Variants in PARD3B observed in about 807,000 individuals in gnomAD.
PARD3B encodes partitioning defective 3 homolog B.
Under a neutral mutation model 130.2 loss-of-function variants are expected in PARD3B, and 103 were observed. The ratio of observed to expected loss-of-function variants is 0.79; its 90% CI spans 0.67 to 0.93. The LOEUF is 0.93. PARD3B is among the 40% of genes least tolerant of loss of function. The probability of loss-of-function intolerance (pLI) is 0.00; values close to 1 mark genes in which losing one functional copy is unlikely to be tolerated. For missense variants in PARD3B, 1,609 were observed against 1,499.2 expected (o/e 1.07, Z -1.21); for synonymous variants, 583 against 553.2 (o/e 1.05, Z -0.76).
At chr2:204,721,227 T>C (rs938990990) in intron 2 of PARD3B, among the ~76,000 whole-genome samples, 1 of 152,178 alleles carries the variant, frequency 6.6e-6, no homozygotes, top group African/African-American at 2.4e-5. Context: ...AATTAGAGTT[T>C]AAGACACTCA....
At chr2:204,735,941 G>A (rs916590872) in intron 2 of PARD3B, among the ~76,000 whole-genome samples, 6 of 152,098 alleles carry the variant, frequency 3.9e-5, no homozygotes, top group East Asian at 3.9e-4. Flanking sequence ...ACTTTTCTAC[G>A]TGCTTAAAAT....
At chr2:205,026,685 C>T (rs1481382756) in intron 3 of PARD3B, among the ~76,000 whole-genome samples, 1 of 152,156 alleles carries the variant, frequency 6.6e-6, no homozygotes, top group Non-Finnish European at 1.5e-5. Context: ...TCAACACTTC[C>T]TCCAACCCTT....
At chr2:204,916,518 A>G (rs1369963059) in intron 2 of PARD3B, among the ~76,000 whole-genome samples, 3 of 152,236 alleles carry the variant, frequency 2.0e-5, no homozygotes, top group African/African-American at 7.2e-5. Context: ...TTTAAATTCT[A>G]TAGAGATTTA....
At chr2:205,424,103 T>G (rs1043706490) in intron 19 of PARD3B, among the ~76,000 whole-genome samples, 4 of 152,214 alleles carry the variant, frequency 2.6e-5, no homozygotes, top group African/African-American at 9.6e-5. Flanking sequence ...AAGAAAATAC[T>G]GTAGTTGAAT....
At chr2:205,573,015 GGCA>G (rs1218113799) in intron 22 of PARD3B, among the ~76,000 whole-genome samples, 1 of 152,128 alleles carries the variant, frequency 6.6e-6, no homozygotes. Context: ...TTCTTCACAT[GGCA>G]GCAGCAAGAA....
intron 15 of PARD3B, among the ~76,000 whole-genome samples, chr2:205,209,151 A>G (rs2037485360): frequency 7.1e-6 from 1 of 140,504 alleles, no homozygotes; most frequent in Non-Finnish European, 1.5e-5. Flanking sequence ...TGGTGCTGGG[A>G]AAACTGGCTA....
chr2:205,302,797 T>TC (rs2042058460), intron 18 of PARD3B, among the ~76,000 whole-genome samples: 1 of 152,108 alleles, frequency 6.6e-6, no homozygotes, highest in African/African-American at 2.4e-5. Context: ...GATCCATGAC[T>TC]CCCCACACAT....
intron 18 of PARD3B, among the ~76,000 whole-genome samples, chr2:205,391,485 A>G (rs2045858284): frequency 6.6e-6 from 1 of 152,254 alleles, no homozygotes; most frequent in East Asian, 1.9e-4. Flanking sequence ...TAACAAAAAG[A>G]AAAGCTTTTT....
chr2:205,045,112 G>GTTTTTTTTTTTTTTT (rs201589277), intron 3 of PARD3B, among the ~76,000 whole-genome samples: 1 of 138,584 alleles, frequency 7.2e-6, no homozygotes, highest in Non-Finnish European at 1.6e-5. Flanking sequence ...CCATCTTAAA[G>GTTTTTTTTTTTTTTT]TTTTTTTTTT....
chr2:205,583,406 C>CGT (rs1559241083), intron 22 of PARD3B, among the ~76,000 whole-genome samples: 3 of 25,472 alleles, frequency 1.2e-4, no homozygotes, highest in Non-Finnish European at 3.7e-4. Context: ...TGTGTGCGCG[C>CGT]GCACGCGCGT....
At chr2:204,750,461 C>T (rs1309708899) in intron 2 of PARD3B, among the ~76,000 whole-genome samples, 4 of 152,158 alleles carry the variant, frequency 2.6e-5, no homozygotes, top group Admixed American at 2.6e-4. Context: ...CAACTCATGC[C>T]TGTAGTCCCA....
At chr2:205,211,642 C>G (rs2037640460) in intron 15 of PARD3B, among the ~76,000 whole-genome samples, 1 of 152,054 alleles carries the variant, frequency 6.6e-6, no homozygotes, top group Non-Finnish European at 1.5e-5. Context: ...TTTCAATACC[C>G]ACTTGGTTTC....
At chr2:204,680,565 A>T (rs2036779621) in intron 1 of PARD3B, among the ~76,000 whole-genome samples, 1 of 149,956 alleles carries the variant, frequency 6.7e-6, no homozygotes, top group South Asian at 2.1e-4. Context: ...TATTTTCTTC[A>T]CTGTGTCTTT....
intron 15 of PARD3B, among the ~76,000 whole-genome samples, chr2:205,213,145 C>G (rs914680336): frequency 5.3e-5 from 8 of 152,098 alleles, no homozygotes; most frequent in Non-Finnish European, 1.0e-4. Context: ...GACCTATTCT[C>G]TCTCCACTCT....
chr2:204,755,430 A>T (rs985119392), intron 2 of PARD3B, among the ~76,000 whole-genome samples: 1 of 152,174 alleles, frequency 6.6e-6, no homozygotes, highest in African/African-American at 2.4e-5. Context: ...CACAAGTCAC[A>T]TTATTACTGA....
intron 10 of PARD3B, among the ~76,000 whole-genome samples, chr2:205,153,197 T>C (rs2033878788): frequency 6.6e-6 from 1 of 152,230 alleles, no homozygotes; most frequent in Non-Finnish European, 1.5e-5. Flanking sequence ...AGTCAGCCCC[T>C]ACTGGGAGGT....
chr2:204,926,601 C>T (rs995025191), intron 2 of PARD3B, among the ~76,000 whole-genome samples: 5 of 152,016 alleles, frequency 3.3e-5, no homozygotes, highest in Admixed American at 6.6e-5. Context: ...CATGTGAGTT[C>T]GATCCGTGAC....
chr2:205,163,679 C>T (rs935795034), intron 11 of PARD3B, among the ~76,000 whole-genome samples: 1 of 152,154 alleles, frequency 6.6e-6, no homozygotes, highest in Non-Finnish European at 1.5e-5. Flanking sequence ...GTCTCATTGT[C>T]ATGTGAGACA....
rs1433228366 is a variant in PARD3B at position 204,887,719 on chromosome 2, C to T, written c.223-77433C>T. Among the ~76,000 whole-genome samples, 1 of 152,024 alleles carries T rather than the reference C, an allele frequency of 6.6e-6. No homozygotes were observed. The highest frequency in any genetic ancestry group is 1.5e-5 in the Non-Finnish European group (1 of 68,014). ...TTAGCAATTTGAAATCACATCCCTTCCCTCAAGCAGAATGCAAGGTAACTG... is the reference window on the plus strand; with the variant it reads ...TTAGCAATTTGAAATCACATCCCTTTCCTCAAGCAGAATGCAAGGTAACTG... On this transcript the variant is annotated intron_variant, in intron 2 of 22. Transcript: ENST00000406610. The surrounding 1 kb of genome is among the most constrained non-coding windows in gnomAD (Gnocchi z 4.2).
Sources: gnomAD v4.1 joint callset for allele counts (sites outside exome capture counted in the v4.1 genomes callset) on GRCh38, gnomAD v4.1.1 for gene constraint, Gnocchi (gnomAD v3.1) non-coding constraint, MANE v1.5 for transcripts, NCBI Gene and HGNC (gene_info 2026-07-23, HGNC 2026-07-21) for gene names.